PSMC2: variants seen among roughly 807,000 people sequenced by gnomAD.
PSMC2 encodes the protein 26S proteasome regulatory subunit 7.
A neutral mutation model predicts 53.3 loss-of-function variants in PSMC2; 7 were observed. That is an observed-to-expected ratio of 0.13 (90% CI 0.07 to 0.25). The LOEUF is 0.25. Among genes scored for constraint, PSMC2 ranks in the 10% least tolerant of loss-of-function variants. The pLI, the probability that PSMC2 is intolerant of heterozygous loss-of-function variation, is 1.00. For synonymous variants in PSMC2, 169 were observed against 183.9 expected, an observed-to-expected ratio of 0.92 and a Z score of 0.66; for missense variants, 241 against 544.0, an observed-to-expected ratio of 0.44 and a Z score of 5.54.
chr7:103,362,463 C>T, intron 5 of PSMC2: 1 of 1,379,462 alleles, frequency 7.2e-7, no homozygotes, highest in Non-Finnish European at 9.3e-7. Flanking sequence ...AATCTCCCCT[C>T]CCTCCTCAAA....
intron 1 of PSMC2, among the ~76,000 whole-genome samples, chr7:103,349,485 G>A: frequency 6.6e-6 from 1 of 150,686 alleles, no homozygotes. Context: ...TCTTGCTCTT[G>A]TCACCCAGGC....
Position 103,361,942 on chromosome 7 carries a change from T to C in PSMC2, c.291-15T>C. 3.1e-6 allele frequency: 5 copies of C among 1,594,302 alleles called. No homozygotes were observed. The highest frequency in any genetic ancestry group is 1.9e-5 in the Admixed American group (1 of 52,470). On this transcript the variant is annotated splice_polypyrimidine_tract_variant and intron_variant, in intron 4 of 11. Coordinates refer to ENST00000292644, the MANE Select transcript of PSMC2 (RefSeq NM_002803.4). ...CTTAGGTTCCTTATTCTAATCAAGC[T>C]TTTTGCTGTGTTAGGTGTACAAAGA... is the stretch of plus-strand genomic sequence containing the variant.
At chr7:103,362,893 A>G in intron 6 of PSMC2, 135 bp downstream of exon 6, 1 of 652,218 alleles carries the variant, frequency 1.5e-6, no homozygotes, top group Non-Finnish European at 2.6e-6. Flanking sequence ...TCCCGGGTTC[A>G]AGCAATTCTC....
intron 3 of PSMC2, 110 bp downstream of exon 3, chr7:103,355,059 A>C (rs1380246527): frequency 2.7e-6 from 2 of 743,226 alleles, no homozygotes; most frequent in Non-Finnish European, 4.5e-6. Context: ...AAAAAAAATC[A>C]TTATTCTTCC....
chr7:103,369,151 A>G lies in PSMC2; in HGVS notation c.*1097A>G, dbSNP rs536382074. ...GCTTTGCACTGAAATACTTAAAATT[A>G]TGAAAGTTTTCAAGTAAAGAAATTA... On this transcript the variant is annotated 3_prime_UTR_variant, in exon 12 of 12. Coordinates refer to ENST00000292644, the MANE Select transcript of PSMC2 (RefSeq NM_002803.4). 9.8e-5 allele frequency: 15 copies of G among 152,360 alleles called. No homozygotes were observed. The South Asian group carries it at 2.7e-3, about 27-fold the overall frequency. 9.4% of individuals were successfully genotyped at this position (152,360 alleles called of 1,614,324 possible). A position where few individuals can be genotyped will look rare whatever the true frequency, so the allele number is the denominator to read the frequency against.
chr7:103,362,367 G>A lies in PSMC2; in HGVS notation c.422+279G>A, dbSNP rs76062005. 8.5e-3 allele frequency: 11,490 copies of A among 1,344,678 alleles called. 231 individuals carry two copies. The highest frequency in any genetic ancestry group is 0.079 in the East Asian group (2,499 of 31,772). The allele number at this position is 1,344,678 out of a possible 1,614,324, so 83.3% of individuals were successfully genotyped here. A position where few individuals can be genotyped will look rare whatever the true frequency, so the allele number is the denominator to read the frequency against. On this transcript the variant is annotated intron_variant, in intron 5 of 11. Coordinates refer to ENST00000292644, the MANE Select transcript of PSMC2 (RefSeq NM_002803.4). ...TTTAAGGTAACATGGTATAGGTTGG[G>A]GGAGTACTTGCTTTAGGATAGTTGT...
intron 1 of PSMC2, chr7:103,352,932 A>T: frequency 1.3e-6 from 1 of 780,874 alleles, no homozygotes; most frequent in Non-Finnish European, 2.4e-6. Context: ...GAAAGCTGAA[A>T]CAAGAGGGTA....
chr7:103,349,789 T>G (rs904244986), intron 1 of PSMC2, among the ~76,000 whole-genome samples: 2 of 152,206 alleles, frequency 1.3e-5, no homozygotes, highest in Non-Finnish European at 1.5e-5. Context: ...CGATCTCAAC[T>G]TGGTCCTAAT....
intron 1 of PSMC2, among the ~76,000 whole-genome samples, chr7:103,349,030 A>G (rs751353618): frequency 6.6e-6 from 1 of 152,204 alleles, no homozygotes; most frequent in Non-Finnish European, 1.5e-5. Context: ...TTTGGATATA[A>G]CTTCTTCCCA....
intron 8 of PSMC2, 98 bp downstream of exon 8, chr7:103,364,405 G>A: frequency 5.8e-6 from 8 of 1,380,548 alleles, no homozygotes; most frequent in Non-Finnish European, 7.0e-6. Context: ...ATCCAGACCT[G>A]AAATTTCTTT....
At chr7:103,362,283 A>T (rs778410246) in intron 5 of PSMC2, 195 bp downstream of exon 5, 2 of 1,397,972 alleles carry the variant, frequency 1.4e-6, no homozygotes, top group Non-Finnish European at 1.8e-6. Context: ...TGACTCCCCT[A>T]CTCCCACTGT....
rs1820434697 is a variant in PSMC2, at chr7:103,361,869, A to G, written c.291-88A>G. The G allele has an allele frequency of 3.8e-6, 5 of 1,312,856 alleles. No individual in the cohort carries two copies. In the Admixed American group the frequency reaches 1.2e-4, roughly 32 times the overall value. 81.3% of individuals were successfully genotyped at this position (1,312,856 alleles called of 1,614,324 possible). A position where few individuals can be genotyped will look rare whatever the true frequency, so the allele number is the denominator to read the frequency against. ...CTGTAGTTCTAGTTTATACCTGTATATTGCACACTCAGGATATAATCTAGT... is the reference window on the plus strand; with the variant it reads ...CTGTAGTTCTAGTTTATACCTGTATGTTGCACACTCAGGATATAATCTAGT... On this transcript the variant is annotated intron_variant, in intron 4 of 11. Coordinates refer to ENST00000292644, the MANE Select transcript of PSMC2 (RefSeq NM_002803.4).
At chr7:103,366,331 G>A (rs1351243615) in intron 9 of PSMC2, among the ~76,000 whole-genome samples, 168 bp downstream of exon 9, 1 of 152,122 alleles carries the variant, frequency 6.6e-6, no homozygotes, top group Non-Finnish European at 1.5e-5. Flanking sequence ...AACTATAAAG[G>A]CAAGAAGACA....
intron 2 of PSMC2, among the ~76,000 whole-genome samples, chr7:103,354,188 G>A (rs947410554): frequency 1.8e-4 from 27 of 151,944 alleles, no homozygotes; most frequent in Admixed American, 1.3e-4. Context: ...AAAGTATTTG[G>A]CATGTCTCAG....
chr7:103,351,552 C>G (rs567484862), intron 1 of PSMC2, among the ~76,000 whole-genome samples: 12 of 152,304 alleles, frequency 7.9e-5, no homozygotes, highest in African/African-American at 2.9e-4. Context: ...AAGTGTTCTG[C>G]ATAAACCCTG....
rs1334152455 is a variant in PSMC2, at chr7:103,368,113, T to C, written c.*59T>C. ...GGAATCCTAACCTTATATAGACTTG[T>C]TAATAACCAATTCATAAACAAATAA... On this transcript the variant is annotated 3_prime_UTR_variant, in exon 12 of 12. Coordinates refer to ENST00000292644, the MANE Select transcript of PSMC2 (RefSeq NM_002803.4). The C allele has an allele frequency of 1.4e-6, 2 of 1,425,680 alleles. No individual in the cohort carries two copies. The highest frequency in any genetic ancestry group is 2.3e-5 in the Admixed American group (1 of 43,584). 88.3% of individuals were successfully genotyped at this position (1,425,680 alleles called of 1,614,324 possible).
chr7:103,361,244 G>A (rs113570988), intron 4 of PSMC2, among the ~76,000 whole-genome samples: 15 of 152,012 alleles, frequency 9.9e-5, no homozygotes, highest in African/African-American at 3.6e-4. Flanking sequence ...AGCACTTTGG[G>A]AAGCTGAGGC....
chr7:103,357,385 A>G (rs1360754756), intron 4 of PSMC2, among the ~76,000 whole-genome samples: 3 of 151,688 alleles, frequency 2.0e-5, no homozygotes, highest in South Asian at 4.1e-4. Flanking sequence ...GTATTTCCCA[A>G]TTTCTCTTCC....
chr7:103,363,540 C>T, intron 7 of PSMC2, 101 bp downstream of exon 7: 1 of 1,054,068 alleles, frequency 9.5e-7, no homozygotes, highest in South Asian at 1.4e-5. Context: ...TTAATATTTT[C>T]CCTAATGAGA....
Sources: gnomAD v4.1 joint callset for allele counts (sites outside exome capture counted in the v4.1 genomes callset) on GRCh38, gnomAD v4.1.1 for gene constraint, MANE v1.5 for transcripts, NCBI Gene and HGNC (gene_info 2026-07-23, HGNC 2026-07-21) for gene names.